The following PHLPP2 variants were observed in gnomAD, a reference collection of about 807,000 sequenced individuals.
PHLPP2 encodes PH domain and leucine rich repeat protein phosphatase 2, also known as PH domain leucine-rich repeat-containing protein phosphatase 2.
In PHLPP2, 66 loss-of-function variants were observed where a neutral mutation model predicts 124.9. The observed-to-expected ratio is 0.53, with a 90% confidence interval of 0.43 to 0.65. The LOEUF is 0.65. Ranked by LOEUF, PHLPP2 falls within the 30% of genes least tolerant of loss-of-function variation. The pLI, the probability that PHLPP2 is intolerant of heterozygous loss-of-function variation, is 0.00. For synonymous variants in PHLPP2, 681 were observed against 624.7 expected (o/e 1.09, Z -1.34); for missense variants, 1,685 against 1,600.4 (o/e 1.05, Z -0.90).
chr16:71,668,509 C>A (rs1784051247), intron 11 of PHLPP2, among the ~76,000 whole-genome samples: 1 of 146,378 alleles, frequency 6.8e-6, no homozygotes, highest in Non-Finnish European at 1.5e-5. Flanking sequence ...CGCCTGTAAT[C>A]TCAACACTTT....
Position 71,648,785 on chromosome 16 carries a change from A to C in PHLPP2, c.*105T>G, listed in dbSNP as rs968610236. ...GACTCCGTCTCAAAACAAACAAACA[A>C]AAAAAAAACGAACAAACAAAAAGAA... On this transcript the variant is annotated 3_prime_UTR_variant, in exon 19 of 19. Coordinates refer to ENST00000568954, the MANE Select transcript of PHLPP2 (RefSeq NM_015020.3). 31 of 886,672 alleles carry C rather than the reference A, an allele frequency of 3.5e-5. No individual in the cohort carries two copies. The highest frequency in any genetic ancestry group is 3.6e-4 in the Middle Eastern group (1 of 2,804). 54.9% of individuals were successfully genotyped at this position (886,672 alleles called of 1,614,324 possible).
At chr16:71,671,917 C>CAAAT (rs2044896970) in intron 10 of PHLPP2, among the ~76,000 whole-genome samples, 1 of 141,586 alleles carries the variant, frequency 7.1e-6, no homozygotes, top group African/African-American at 3.2e-5. Flanking sequence ...CCGTCTCAAA[C>CAAAT]AAACAAACAA....
chr16:71,674,720 G>A (rs1434390796), intron 9 of PHLPP2, among the ~76,000 whole-genome samples: 1 of 152,110 alleles, frequency 6.6e-6, no homozygotes, highest in Non-Finnish European at 1.5e-5. Flanking sequence ...TTTTAGGCCG[G>A]GTGTAATGGC....
At chr16:71,706,223 T>C (rs1343858698) in intron 2 of PHLPP2, among the ~76,000 whole-genome samples, 1 of 152,238 alleles carries the variant, frequency 6.6e-6, no homozygotes, top group East Asian at 1.9e-4. Context: ...CTATAGTCCA[T>C]GTAAATTTGA....
chr16:71,697,587 G>A (rs966919324), intron 3 of PHLPP2, among the ~76,000 whole-genome samples: 4 of 152,128 alleles, frequency 2.6e-5, no homozygotes, highest in Non-Finnish European at 5.9e-5. Flanking sequence ...GGAAATATAC[G>A]ATGTAATTCT....
intron 9 of PHLPP2, among the ~76,000 whole-genome samples, chr16:71,672,785 C>G (rs992208822): frequency 6.6e-6 from 1 of 152,216 alleles, no homozygotes; most frequent in Non-Finnish European, 1.5e-5. Context: ...CCATGTTTCC[C>G]TTTCCAGTCA....
intron 13 of PHLPP2, among the ~76,000 whole-genome samples, chr16:71,660,555 A>G (rs1416075066): frequency 6.7e-6 from 1 of 149,786 alleles, no homozygotes; most frequent in African/African-American, 2.5e-5. Flanking sequence ...CCTCCCAAGT[A>G]GCTGGGACTA....
chr16:71,689,479 G>A (rs979640589), intron 4 of PHLPP2, among the ~76,000 whole-genome samples: 4 of 135,196 alleles, frequency 3.0e-5, no homozygotes, highest in Admixed American at 8.5e-5. Flanking sequence ...CACAACCTCC[G>A]CCTCCCAGGT....
At chr16:71,658,107 G>T (rs902072096) in intron 15 of PHLPP2, 126 bp downstream of exon 15, 1 of 771,036 alleles carries the variant, frequency 1.3e-6, no homozygotes, top group Non-Finnish European at 2.0e-6. Context: ...AGAGAACCTA[G>T]GGGCTTTATA....
chr16:71,689,782 T>G (rs2045090850), intron 4 of PHLPP2, among the ~76,000 whole-genome samples: 1 of 152,118 alleles, frequency 6.6e-6, no homozygotes, highest in African/African-American at 2.4e-5. Context: ...CCTGAGTAGC[T>G]GGGATTACAG....
chr16:71,669,822 G>T (rs2044874498), intron 10 of PHLPP2, among the ~76,000 whole-genome samples: 2 of 152,166 alleles, frequency 1.3e-5, no homozygotes, highest in South Asian at 4.1e-4. Flanking sequence ...ACTAGTGGGG[G>T]AAAAGTTTCA....
In PHLPP2 at chr16:71,664,057, T is replaced by C. The variant is rs2044817284; in HGVS notation, c.1827A>G (p.Leu609=). The C allele has an allele frequency of 8.1e-6, 13 of 1,613,796 alleles. No individual in the cohort carries two copies. Among genetic ancestry groups the C allele is most frequent in the Non-Finnish European group, 1.1e-5 (13 of 1,179,850 alleles). ...LNASANSLES[L]PSACTGEESL... is the part of the protein sequence containing the mutation. ...TCTCCTCTCCAGTGCAGGCGGATGGTAAAGACTCCAGACTATTTGCAGATG... is the reference window on the plus strand; with the variant it reads ...TCTCCTCTCCAGTGCAGGCGGATGGCAAAGACTCCAGACTATTTGCAGATG... The change falls in exon 13 of 19, where the codon TTA becomes TTG. Residue 609 remains leucine, a synonymous_variant. Coordinates refer to ENST00000568954, the MANE Select transcript of PHLPP2 (RefSeq NM_015020.3).
chr16:71,711,893 A>G (rs1165534587), intron 2 of PHLPP2, among the ~76,000 whole-genome samples: 2 of 152,250 alleles, frequency 1.3e-5, no homozygotes, highest in Non-Finnish European at 2.9e-5. Flanking sequence ...ATCTTGAAAT[A>G]AGCATGATTA....
At chr16:71,698,573 C>G (rs1354681467) in intron 3 of PHLPP2, 2 of 637,360 alleles carry the variant, frequency 3.1e-6, no homozygotes, top group Non-Finnish European at 5.9e-6. Flanking sequence ...AAAGGCCTGT[C>G]TCTAAGGTCC....
Position 71,648,770 on chromosome 16 carries a change from CAAAA to C in PHLPP2, c.*116_*119del. On this transcript the variant is annotated 3_prime_UTR_variant, in exon 19 of 19. Coordinates refer to ENST00000568954, the MANE Select transcript of PHLPP2 (RefSeq NM_015020.3). ...TGAGCGACTGAGCAAGACTCCGTCTCAAAACAAACAAACAAAAAAAAAACGAACA... is the reference window on the plus strand; with the variant it reads ...TGAGCGACTGAGCAAGACTCCGTCTCCAAACAAACAAAAAAAAAACGAACA... The C allele has an allele frequency of 1.3e-6, 1 of 785,456 alleles. No homozygotes were observed. The highest frequency in any genetic ancestry group is 2.1e-6 in the Non-Finnish European group (1 of 484,100). The allele number at this position is 785,456 out of a possible 1,614,324, so 48.7% of individuals were successfully genotyped here. A position where few individuals can be genotyped will look rare whatever the true frequency, so the allele number is the denominator to read the frequency against.
chr16:71,652,942 T>G lies in PHLPP2; in HGVS notation c.2665A>C (p.Ser889Arg). 1 of 1,614,106 alleles carries G rather than the reference T, an allele frequency of 6.2e-7. No individual in the cohort carries two copies. Among genetic ancestry groups the G allele is most frequent in the Non-Finnish European group, 8.5e-7 (1 of 1,180,026 alleles). ...YIRPDTADPA[S>R]SFSLTVANVG... ...TTGGCTACAGTCAAGCTAAAGCTAC[T>G]TGCTGGATCGGCAGTGTCAGGGCGG... The change falls in exon 18 of 19, where the codon AGT (serine) becomes CGT (arginine). Residue 889 changes from serine (S) to arginine (R), a missense_variant. Coordinates refer to ENST00000568954, the MANE Select transcript of PHLPP2 (RefSeq NM_015020.3).
intron 1 of PHLPP2, chr16:71,723,621 G>A: frequency 3.0e-6 from 1 of 335,460 alleles, no homozygotes; most frequent in Non-Finnish European, 5.1e-6. Flanking sequence ...TGGGGCGGCC[G>A]ACTGACTGAC....
intron 3 of PHLPP2, among the ~76,000 whole-genome samples, chr16:71,700,296 T>C (rs886954861): frequency 1.3e-5 from 2 of 151,928 alleles, no homozygotes; most frequent in African/African-American, 4.8e-5. Flanking sequence ...TTCCAGCTAC[T>C]TGGGAGGCTG....
intron 3 of PHLPP2, among the ~76,000 whole-genome samples, chr16:71,697,232 T>C (rs2045181712): frequency 6.7e-6 from 1 of 150,188 alleles, no homozygotes. Context: ...AAACTCAGGG[T>C]CTGCAATTTT....
Sources: allele counts gnomAD v4.1 joint callset (sites outside exome capture counted in the v4.1 genomes callset), GRCh38; gene constraint gnomAD v4.1.1; transcripts MANE v1.5; gene names NCBI Gene and HGNC (gene_info 2026-07-23, HGNC 2026-07-21).